PRDM2: variants seen among roughly 807,000 people sequenced by gnomAD.
PRDM2 encodes the protein PR/SET domain 2.
In PRDM2, 30 loss-of-function variants were observed where a neutral mutation model predicts 130.0. The ratio of observed to expected loss-of-function variants is 0.23; its 90% CI spans 0.17 to 0.31. PRDM2 has a LOEUF of 0.31. Ranked by LOEUF, PRDM2 falls within the 10% of genes least tolerant of loss-of-function variation. The probability of loss-of-function intolerance (pLI) is 1.00; values close to 1 mark genes in which losing one functional copy is unlikely to be tolerated. For synonymous variants in PRDM2, 871 were observed against 782.4 expected (o/e 1.11, Z -1.89); for missense variants, 2,011 against 2,108.4 (o/e 0.95, Z 0.90).
At chr1:13,731,369 C>T (rs976914399) in intron 3 of PRDM2, among the ~76,000 whole-genome samples, 5 of 152,160 alleles carry the variant, frequency 3.3e-5, no homozygotes, top group Admixed American at 1.3e-4. Flanking sequence ...TCCCATCCCT[C>T]TTGCCTGAGT....
rs1166838148 is a variant in PRDM2 at position 13,806,165 on chromosome 1, C to T, written c.5037-10262C>T. Among the ~76,000 whole-genome samples, 1 of 152,036 alleles carries T rather than the reference C, an allele frequency of 6.6e-6. No homozygotes were observed. The highest frequency in any genetic ancestry group is 1.5e-5 in the Non-Finnish European group (1 of 67,998). On this transcript the variant is annotated intron_variant, in intron 8 of 9. Transcript: ENST00000311066. This position sits in a 1 kb window ranked among gnomAD's most constrained non-coding sequence, Gnocchi z 4.1. ...AGTGGACGCTGTTAATCCTTCTCTT[C>T]CTTGAAATACTCTCCACCTGGACAC...
rs1223981479 is a variant in PRDM2 at position 13,782,006 on chromosome 1, A to C, written c.4211A>C (p.Asn1404Thr). ...FRRMGQPKRLNFSVELSKMSS... is the reference protein window; with the variant it reads ...FRRMGQPKRLTFSVELSKMSS... ...CGAATGGGACAGCCCAAAAGGCTTA[A>C]CTTTAGTGTTGAGCTCAGCAAAATG... Residue 1404 changes from asparagine (N) to threonine (T), a missense_variant, in exon 8 of 10, where the codon AAC becomes ACC. Physicochemically the swap from Asn to Thr is moderately conservative, Grantham distance 65. This residue lies in a region of PRDM2 where 410 missense variants were observed against 395.9 expected (regional missense o/e 1.04). Coordinates refer to ENST00000311066, the MANE Select transcript of PRDM2 (RefSeq NM_001393986.1). 6.2e-7 allele frequency: 1 copy of C among 1,614,228 alleles called. No individual in the cohort carries two copies. The highest frequency in any genetic ancestry group is 8.5e-7 in the Non-Finnish European group (1 of 1,180,032).
At chr1:13,812,110 T>C (rs1645182455) in intron 8 of PRDM2, among the ~76,000 whole-genome samples, 2 of 151,842 alleles carry the variant, frequency 1.3e-5, no homozygotes, top group South Asian at 4.2e-4. Flanking sequence ...CGGTGGTCCT[T>C]ATAAAGGCCT....
chr1:13,732,719 A>G, intron 3 of PRDM2, 60 bp from the exon 4 acceptor site: 1 of 1,235,798 alleles, frequency 8.1e-7, no homozygotes, highest in Non-Finnish European at 1.1e-6. Context: ...AGCGATTTTA[A>G]TGGTTTCAAT....
intron 1 of PRDM2, among the ~76,000 whole-genome samples, chr1:13,710,425 A>G (rs925118803): frequency 6.6e-6 from 1 of 152,254 alleles, no homozygotes; most frequent in African/African-American, 2.4e-5. Flanking sequence ...ATTAATCATC[A>G]AATCATCTTT....
At chr1:13,768,473 G>A (rs1184627906) in intron 6 of PRDM2, among the ~76,000 whole-genome samples, 7 of 151,616 alleles carry the variant, frequency 4.6e-5, no homozygotes, top group African/African-American at 1.5e-4. Flanking sequence ...TCCACCTCCC[G>A]GGTTCAAGTG....
At chr1:13,712,302 A>G (rs1307083292) in intron 1 of PRDM2, among the ~76,000 whole-genome samples, 3 of 152,242 alleles carry the variant, frequency 2.0e-5, no homozygotes, top group Non-Finnish European at 4.4e-5. Context: ...ATTATTCAAT[A>G]TCAGATGTTA....
rs754016230 is a variant in PRDM2 at position 13,823,438 on chromosome 1, G to A, written c.*303G>A. 24 of 535,104 alleles carry A rather than the reference G, an allele frequency of 4.5e-5. No homozygotes were observed. The highest frequency in any genetic ancestry group is 7.3e-5 in the Non-Finnish European group (22 of 299,868). The allele number at this position is 535,104 out of a possible 1,614,324, so 33.1% of individuals were successfully genotyped here. A position where few individuals can be genotyped will look rare whatever the true frequency, so the allele number is the denominator to read the frequency against. The stretch of plus-strand genomic sequence containing the variant: ...TCTTGGGACCGTGTTCTGCAGCCCA[G>A]CCTTCCTGTTGGGGTGGGGCCTCTC... On this transcript the variant is annotated 3_prime_UTR_variant, in exon 10 of 10. Transcript: ENST00000311066.
intron 2 of PRDM2, among the ~76,000 whole-genome samples, chr1:13,722,328 T>C (rs991812023): frequency 5.3e-5 from 8 of 151,984 alleles, no homozygotes; most frequent in Admixed American, 6.6e-5. Flanking sequence ...ATATTGATCG[T>C]CAGAAGAATT....
chr1:13,784,342 T>C (rs1213957284), intron 8 of PRDM2, among the ~76,000 whole-genome samples: 3 of 152,218 alleles, frequency 2.0e-5, no homozygotes, highest in Non-Finnish European at 4.4e-5. Context: ...TTCAAGTTGC[T>C]TGTGTCTTCA....
intron 6 of PRDM2, among the ~76,000 whole-genome samples, chr1:13,760,917 A>G (rs573030983): frequency 6.6e-6 from 1 of 152,122 alleles, no homozygotes; most frequent in African/African-American, 2.4e-5. Context: ...AAATCCATAT[A>G]TTTTCCTTTT....
intron 1 of PRDM2, chr1:13,705,638 A>C (rs894351301): frequency 6.6e-6 from 1 of 152,058 alleles, no homozygotes; most frequent in African/African-American, 2.4e-5. Context: ...CTTCCACTTG[A>C]GACTGAGGTA....
At chr1:13,735,634 GT>G (rs1643244693) in intron 4 of PRDM2, among the ~76,000 whole-genome samples, 2 of 152,014 alleles carry the variant, frequency 1.3e-5, no homozygotes, top group South Asian at 4.1e-4. Flanking sequence ...AATACTCGCT[GT>G]CCCCACACAT....
At chr1:13,799,216 G>A (rs889326254) in intron 8 of PRDM2, among the ~76,000 whole-genome samples, 15 of 152,190 alleles carry the variant, frequency 9.9e-5, no homozygotes, top group African/African-American at 3.6e-4. Context: ...GGCCAAGGCA[G>A]GTGGATCACC....
rs150172909 is a variant in PRDM2, at chr1:13,816,311, G to A, written c.5037-116G>A. On this transcript the variant is annotated intron_variant, in intron 8 of 9. Coordinates refer to ENST00000311066, the MANE Select transcript of PRDM2 (RefSeq NM_001393986.1). ...CCTGGCCTCAAGGTGTCCAGGAAGT[G>A]CAATCCTATCCTGGCCTGGGAAGTG... is the stretch of plus-strand genomic sequence containing the variant. The A allele has an allele frequency of 1.6e-4, 219 of 1,341,374 alleles. No homozygotes were observed. In the African/African-American group the frequency reaches 2.1e-3, roughly 13 times the overall value. 83.1% of individuals were successfully genotyped at this position (1,341,374 alleles called of 1,614,324 possible).
Position 13,812,885 on chromosome 1 carries a change from G to T in PRDM2, c.5037-3542G>T, listed in dbSNP as rs188625252. ...ATGCTTCCAGCCCTGCTCTCTGTTG[G>T]CAGGCTGGCAGGGACTGTCTCCATT... On this transcript the variant is annotated intron_variant, in intron 8 of 9. Transcript: ENST00000311066. 1.5e-3 allele frequency among the ~76,000 whole-genome samples: 235 copies of T among 152,274 alleles called. 2 individuals are homozygous for T. Among genetic ancestry groups the T allele is most frequent in the Admixed American group, 3.3e-3 (51 of 15,300 alleles).
Position 13,714,607 on chromosome 1 carries a change from G to A in PRDM2, c.-65-934G>A, listed in dbSNP as rs111297119. Among the ~76,000 whole-genome samples the A allele has an allele frequency of 4.6e-3, 696 of 152,272 alleles. 8 individuals carry two copies. The highest frequency in any genetic ancestry group is 0.016 in the African/African-American group (664 of 41,544). The stretch of plus-strand genomic sequence containing the variant: ...GGTAAAATGTCAAAACAGTGGGTAG[G>A]CAGTAGGAAGAATGTCACTAAATTA... On this transcript the variant is annotated intron_variant, in intron 1 of 9. Coordinates refer to ENST00000311066, the MANE Select transcript of PRDM2 (RefSeq NM_001393986.1).
At position 13,778,536 on chromosome 1, in the gene PRDM2, G is replaced by T. The variant is rs1455445625; in HGVS notation, c.741G>T (p.Glu247Asp). 1 of 1,614,184 alleles carries T rather than the reference G, an allele frequency of 6.2e-7. No individual in the cohort carries two copies. Among genetic ancestry groups the T allele is most frequent in the Non-Finnish European group, 8.5e-7 (1 of 1,180,032 alleles). The change falls in exon 8 of 10, where the codon GAG becomes GAT. Residue 247 changes from glutamate (E) to aspartate (D), a missense_variant. Physicochemically the swap from Glu to Asp is conservative, Grantham distance 45. This residue lies in a region of PRDM2 where 1,288 missense variants were observed against 1,237.7 expected (regional missense o/e 1.04). Coordinates refer to ENST00000311066, the MANE Select transcript of PRDM2 (RefSeq NM_001393986.1). Reference sequence around the variant, plus strand: ...TAGCAACCCCTGCCCCTGCCTGGGAGCCACAGCCAGAACCAGACGAGCGAT... The same window carrying T: ...TAGCAACCCCTGCCCCTGCCTGGGATCCACAGCCAGAACCAGACGAGCGAT... ...PELATPAPAW[E>D]PQPEPDERLE...
At chr1:13,812,817 A>C (rs1319521491) in intron 8 of PRDM2, among the ~76,000 whole-genome samples, 1 of 152,178 alleles carries the variant, frequency 6.6e-6, no homozygotes, top group Non-Finnish European at 1.5e-5. Flanking sequence ...CATGTGCTGG[A>C]TTCTTCCCAG....
Sources: gnomAD v4.1 joint callset for allele counts (sites outside exome capture counted in the v4.1 genomes callset) on GRCh38, gnomAD v4.1.1 for gene constraint, gnomAD v4.1.1 regional missense constraint, Gnocchi (gnomAD v3.1) non-coding constraint, MANE v1.5 for transcripts, NCBI Gene and HGNC (gene_info 2026-07-23, HGNC 2026-07-21) for gene names.